The following LINGO1 variants were observed in gnomAD, a reference collection of about 807,000 sequenced individuals.
LINGO1 encodes leucine-rich repeat and immunoglobulin-like domain-containing nogo receptor-interacting protein 1.
LINGO1 carries 11 observed loss-of-function variants against 37.3 expected under a neutral mutation model. That is an observed-to-expected ratio of 0.29 (90% confidence interval 0.19 to 0.49). The LOEUF (loss-of-function observed/expected upper bound fraction) is 0.49. Among genes scored for constraint, LINGO1 ranks in the 20% least tolerant of loss-of-function variants. The probability of loss-of-function intolerance (pLI) is 0.99; values close to 1 mark genes in which losing one functional copy is unlikely to be tolerated. For synonymous variants in LINGO1, 387 were observed against 403.0 expected (o/e 0.96, Z 0.48); for missense variants, 585 against 878.2 (o/e 0.67, Z 4.22).
intron 3 of LINGO1, among the ~76,000 whole-genome samples, chr15:77,674,937 T>A (rs1304287219): frequency 6.6e-6 from 1 of 152,056 alleles, no homozygotes; most frequent in Non-Finnish European, 1.5e-5. Flanking sequence ...TAGTAGGTGC[T>A]CAGTAAATAC....
At chr15:77,772,882 G>A (rs12592419) in intron 1 of LINGO1, among the ~76,000 whole-genome samples, 114,689 of 152,056 alleles carry the variant, frequency 0.75, 45,398 homozygotes, top group Non-Finnish European at 0.87. Context: ...TCGTTAAGGC[G>A]CTAATTAGCA....
intron 1 of LINGO1, among the ~76,000 whole-genome samples, chr15:77,776,546 G>GAGTA (rs1413831300): frequency 2.2e-3 from 96 of 43,868 alleles, no homozygotes; most frequent in African/African-American, 6.1e-3. Context: ...GGGAGGGAGG[G>GAGTA]AGGGAGGGAG....
intron 2 of LINGO1, among the ~76,000 whole-genome samples, chr15:77,687,090 C>T (rs2075523462): frequency 6.6e-6 from 1 of 152,184 alleles, no homozygotes; most frequent in South Asian, 2.1e-4. Context: ...AGGATCAGGG[C>T]TCGGTGTAGG....
At chr15:77,634,766 C>A (rs576387025), upstream of LINGO1, among the ~76,000 whole-genome samples, 1 of 151,988 alleles carries the variant, frequency 6.6e-6, no homozygotes, top group Non-Finnish European at 1.5e-5. Flanking sequence ...CCCAGCCCCC[C>A]CACCCCGGCT....
Position 77,686,449 on chromosome 15 carries a change from G to C in LINGO1, c.-99+4271C>G, listed in dbSNP as rs118113983. ...AGGCCTGGGGGAAGGCAAGACCCGG[G>C]AACATGCCCAGCCTGGCTACTTCAA... is the stretch of plus-strand genomic sequence containing the variant. On this transcript the variant is annotated intron_variant, in intron 2 of 3. Coordinates refer to the LINGO1 transcript ENST00000559893. Among the ~76,000 whole-genome samples the C allele has an allele frequency of 9.6e-3, 1,467 of 152,350 alleles. 19 individuals carry two copies. Among genetic ancestry groups the C allele is most frequent in the Non-Finnish European group, 0.016 (1,116 of 68,028 alleles).
At chr15:77,710,297 C>T (rs750185730) in intron 2 of LINGO1, among the ~76,000 whole-genome samples, 15 of 152,192 alleles carry the variant, frequency 9.9e-5, no homozygotes, top group Non-Finnish European at 1.8e-4. Flanking sequence ...CCAGCCCAGG[C>T]GGCCCAGCTC....
At chr15:77,688,215 C>T (rs549300406) in intron 2 of LINGO1, among the ~76,000 whole-genome samples, 32 of 152,226 alleles carry the variant, frequency 2.1e-4, no homozygotes, top group South Asian at 4.1e-4. Flanking sequence ...GGAGGCGGCA[C>T]CTGCCCCCGA....
At chr15:77,780,018 G>A (rs1269183602) in intron 1 of LINGO1, among the ~76,000 whole-genome samples, 1 of 152,194 alleles carries the variant, frequency 6.6e-6, no homozygotes, top group Non-Finnish European at 1.5e-5. Flanking sequence ...GCTCAGAGGA[G>A]GGAGAGATCA....
chr15:77,733,702 T>C (rs1320159060), intron 2 of LINGO1, among the ~76,000 whole-genome samples: 1 of 152,192 alleles, frequency 6.6e-6, no homozygotes, highest in African/African-American at 2.4e-5. Context: ...TCTTGTACAC[T>C]TAAAAAGAGG....
At chr15:77,629,730 G>C (rs189406361) in intron 1 of LINGO1, among the ~76,000 whole-genome samples, 11 of 152,302 alleles carry the variant, frequency 7.2e-5, no homozygotes, top group Non-Finnish European at 1.3e-4. Context: ...AAAAGGAAGG[G>C]TACTAGGATT....
chr15:77,694,684 C>T (rs1336624457), intron 1 of LINGO1, among the ~76,000 whole-genome samples: 1 of 152,226 alleles, frequency 6.6e-6, no homozygotes, highest in Non-Finnish European at 1.5e-5. Context: ...GGTTTTGCCA[C>T]AGCCCCTTAA....
chr15:77,798,124 G>C (rs749015520), intron 1 of LINGO1, among the ~76,000 whole-genome samples: 4 of 152,206 alleles, frequency 2.6e-5, no homozygotes, highest in Non-Finnish European at 4.4e-5. Flanking sequence ...CTGGCCCTGG[G>C]TGCATCTCCC....
chr15:77,684,897 A>G (rs2075477458), intron 2 of LINGO1, among the ~76,000 whole-genome samples: 1 of 152,026 alleles, frequency 6.6e-6, no homozygotes, highest in Non-Finnish European at 1.5e-5. Flanking sequence ...AGAAGCCTAC[A>G]AGGGGCTGGG....
At chr15:77,664,170 T>TGTGTGTGTGCGCGCGC in intron 3 of LINGO1, among the ~76,000 whole-genome samples, 27 of 131,008 alleles carry the variant, frequency 2.1e-4, no homozygotes, top group African/African-American at 9.9e-4. Flanking sequence ...TGTGTGTGTG[T>TGTGTGTGTGCGCGCGC]GCGCGCGCGC....
At chr15:77,751,138 C>G (rs1435604862) in intron 1 of LINGO1, among the ~76,000 whole-genome samples, 2 of 152,178 alleles carry the variant, frequency 1.3e-5, no homozygotes, top group Non-Finnish European at 2.9e-5. Flanking sequence ...CTGACCTGAG[C>G]CAGGTGTGAG....
intron 1 of LINGO1, among the ~76,000 whole-genome samples, chr15:77,629,980 C>A (rs2074204926): frequency 6.6e-6 from 1 of 151,880 alleles, no homozygotes; most frequent in Admixed American, 6.6e-5. Flanking sequence ...GGATGCGGGG[C>A]CAAGCCAGGT....
upstream of LINGO1, among the ~76,000 whole-genome samples, chr15:77,788,836 G>C (rs1309173657): frequency 6.6e-6 from 1 of 152,156 alleles, no homozygotes; most frequent in African/African-American, 2.4e-5. Context: ...AGAGCTCAGG[G>C]GTTCTTCCTC....
chr15:77,706,556 A>C (rs898995685), intron 2 of LINGO1, among the ~76,000 whole-genome samples: 14 of 152,082 alleles, frequency 9.2e-5, no homozygotes, highest in African/African-American at 3.4e-4. Flanking sequence ...TTACCCCACA[A>C]GTTTCCTTCC....
At chr15:77,705,273 A>C (rs1258274436) in intron 2 of LINGO1, among the ~76,000 whole-genome samples, 1 of 150,600 alleles carries the variant, frequency 6.6e-6, no homozygotes, top group Non-Finnish European at 1.5e-5. Flanking sequence ...CCCTGACCAC[A>C]ACTCCACAAC....
Sources: allele counts gnomAD v4.1 joint callset (sites outside exome capture counted in the v4.1 genomes callset), GRCh38; gene constraint gnomAD v4.1.1; transcripts MANE v1.5; gene names NCBI Gene and HGNC (gene_info 2026-07-23, HGNC 2026-07-21).